The following STXBP5L variants were observed in gnomAD, a reference collection of about 807,000 sequenced individuals.
STXBP5L encodes syntaxin binding protein 5L, also known as syntaxin-binding protein 5-like.
In STXBP5L, 65 loss-of-function variants were observed where a neutral mutation model predicts 144.5. That is an observed-to-expected ratio of 0.45 (90% CI 0.37 to 0.55). STXBP5L has a LOEUF of 0.55. STXBP5L is among the 20% of genes least tolerant of loss of function. STXBP5L has a pLI of 0.00. For synonymous variants in STXBP5L, 505 were observed against 469.6 expected (o/e 1.08, Z -0.97); for missense variants, 1,298 against 1,405.5 (o/e 0.92, Z 1.22).
In STXBP5L at chr3:121,399,623, G is replaced by A. The variant is rs559894216; in HGVS notation, c.2588-7620G>A. Reference sequence around the variant, plus strand: ...GGGCTGAATTAAAGGAATAAGTTGGGCTAGTTAACAGCAGCAGGAGCATGT... The same window carrying A: ...GGGCTGAATTAAAGGAATAAGTTGGACTAGTTAACAGCAGCAGGAGCATGT... On this transcript the variant is annotated intron_variant, in intron 22 of 26. Coordinates refer to ENST00000471454, the MANE Select transcript of STXBP5L (RefSeq NM_001308330.2). Among the ~76,000 whole-genome samples the A allele has an allele frequency of 2.0e-5, 3 of 152,316 alleles. No individual in the cohort carries two copies. The East Asian group carries it at 5.8e-4, about 29-fold the overall frequency.
At chr3:121,164,252 C>G (rs1045655325) in intron 9 of STXBP5L, among the ~76,000 whole-genome samples, 2 of 152,110 alleles carry the variant, frequency 1.3e-5, no homozygotes, top group African/African-American at 2.4e-5. Context: ...AAAAGGTGCT[C>G]AACATCATTT....
rs189109467 is a variant in STXBP5L, at chr3:121,364,813, G to T, written c.2177-13903G>T. ...TTTATATTCTACTGCTTTACTAAATGTATTTATTAGCTCTAACAGTTTTTT... is the reference window on the plus strand; with the variant it reads ...TTTATATTCTACTGCTTTACTAAATTTATTTATTAGCTCTAACAGTTTTTT... On this transcript the variant is annotated intron_variant, in intron 20 of 26. Transcript: ENST00000471454. Among the ~76,000 whole-genome samples the T allele has an allele frequency of 5.3e-5, 8 of 151,954 alleles. No individual in the cohort carries two copies. The South Asian group carries it at 1.5e-3, about 28-fold the overall frequency.
At chr3:121,035,593 G>C (rs1429837474) in intron 3 of STXBP5L, among the ~76,000 whole-genome samples, 1 of 152,108 alleles carries the variant, frequency 6.6e-6, no homozygotes, top group African/African-American at 2.4e-5. Flanking sequence ...TCAATATGCT[G>C]TTTGGGTTAC....
At chr3:121,233,815 T>A in intron 12 of STXBP5L, 127 bp downstream of exon 12, 1 of 711,508 alleles carries the variant, frequency 1.4e-6, no homozygotes, top group Non-Finnish European at 2.1e-6. Flanking sequence ...AGAAATGCAC[T>A]TTGGTTCAAT....
intron 18 of STXBP5L, among the ~76,000 whole-genome samples, chr3:121,260,092 A>G (rs1225214210): frequency 6.6e-6 from 1 of 152,022 alleles, no homozygotes; most frequent in African/African-American, 2.4e-5. Context: ...CTTTCCTACA[A>G]CCTTTCTAAC....
At chr3:120,940,606 C>T (rs546487507) in intron 2 of STXBP5L, among the ~76,000 whole-genome samples, 94 of 148,470 alleles carry the variant, frequency 6.3e-4, no homozygotes, top group African/African-American at 1.5e-3. Flanking sequence ...GGTAAAATCA[C>T]GTAAGAAGAT....
intron 3 of STXBP5L, among the ~76,000 whole-genome samples, chr3:120,966,816 T>A (rs970320665): frequency 6.6e-6 from 1 of 152,090 alleles, no homozygotes; most frequent in Admixed American, 6.5e-5. Flanking sequence ...GCTGGGAGAA[T>A]CACTGCTCTC....
At chr3:121,300,849 T>G (rs989987837) in intron 19 of STXBP5L, among the ~76,000 whole-genome samples, 1 of 152,118 alleles carries the variant, frequency 6.6e-6, no homozygotes, top group Non-Finnish European at 1.5e-5. Context: ...AAAGAGCTTC[T>G]GAGACAGGAT....
intron 3 of STXBP5L, among the ~76,000 whole-genome samples, chr3:121,004,344 C>G (rs1320534749): frequency 1.7e-4 from 26 of 152,044 alleles, no homozygotes; most frequent in African/African-American, 4.6e-4. Flanking sequence ...TGATTTGGCT[C>G]TCTGTTTGTC....
chr3:121,144,899 C>G (rs1197736953), intron 7 of STXBP5L, among the ~76,000 whole-genome samples: 1 of 151,832 alleles, frequency 6.6e-6, no homozygotes, highest in Non-Finnish European at 1.5e-5. Flanking sequence ...GTGAAATGAC[C>G]AGTCATAGAA....
rs184229918 is a variant in STXBP5L at position 120,957,700 on chromosome 3, T to C, written c.287+2663T>C. 2.6e-5 allele frequency among the ~76,000 whole-genome samples: 4 copies of C among 152,278 alleles called. No homozygotes were observed. In the East Asian group the frequency reaches 7.7e-4, roughly 29 times the overall value. ...ATGAAGGTAGCAATAAAGATGTTCT[T>C]TGAAACCAACGAGAACAAAGATACA... is the stretch of plus-strand genomic sequence containing the variant. On this transcript the variant is annotated intron_variant, in intron 3 of 26. Coordinates refer to ENST00000471454, the MANE Select transcript of STXBP5L (RefSeq NM_001308330.2).
At chr3:120,922,778 T>G (rs1709419890) in intron 2 of STXBP5L, among the ~76,000 whole-genome samples, 1 of 152,050 alleles carries the variant, frequency 6.6e-6, no homozygotes, top group African/African-American at 2.4e-5. Context: ...TTTGCATTTG[T>G]GGAGGATTGT....
chr3:120,962,911 G>C (rs1291785826), intron 3 of STXBP5L, among the ~76,000 whole-genome samples: 1 of 152,184 alleles, frequency 6.6e-6, no homozygotes, highest in Non-Finnish European at 1.5e-5. Flanking sequence ...CCATGAGCAT[G>C]GAATATTCTT....
intron 5 of STXBP5L, among the ~76,000 whole-genome samples, chr3:121,104,855 G>A (rs937134780): frequency 7.3e-5 from 11 of 151,530 alleles, no homozygotes; most frequent in Non-Finnish European, 1.3e-4. Flanking sequence ...TCATGACCAA[G>A]ATGCGACAAA....
intron 18 of STXBP5L, among the ~76,000 whole-genome samples, chr3:121,275,723 C>A (rs958076654): frequency 1.3e-5 from 2 of 152,154 alleles, no homozygotes. Context: ...TAAGATGAAT[C>A]CACATTTAGG....
chr3:120,990,471 T>G (rs992564646), intron 3 of STXBP5L, among the ~76,000 whole-genome samples: 1 of 152,124 alleles, frequency 6.6e-6, no homozygotes, highest in Non-Finnish European at 1.5e-5. Flanking sequence ...AAAGTTCATA[T>G]GGAACCAAAA....
intron 22 of STXBP5L, among the ~76,000 whole-genome samples, chr3:121,387,992 C>G (rs1253165347): frequency 6.6e-6 from 1 of 152,182 alleles, no homozygotes; most frequent in Non-Finnish European, 1.5e-5. Flanking sequence ...TTACCTTGGG[C>G]AGTATGGCCA....
At chr3:121,072,328 C>T (rs1364388569) in intron 5 of STXBP5L, among the ~76,000 whole-genome samples, 1 of 152,192 alleles carries the variant, frequency 6.6e-6, no homozygotes, top group Non-Finnish European at 1.5e-5. Flanking sequence ...TTCTTGAATC[C>T]CTGGGGGCCG....
intron 22 of STXBP5L, among the ~76,000 whole-genome samples, chr3:121,396,264 A>G (rs1026259262): frequency 6.6e-6 from 1 of 152,242 alleles, no homozygotes; most frequent in Non-Finnish European, 1.5e-5. Flanking sequence ...CTGCTCTTTT[A>G]AGGAAAGATT....
Sources: allele counts gnomAD v4.1 joint callset (sites outside exome capture counted in the v4.1 genomes callset), GRCh38; gene constraint gnomAD v4.1.1; transcripts MANE v1.5; gene names NCBI Gene and HGNC (gene_info 2026-07-23, HGNC 2026-07-21).